Variants in IFT140 observed in about 807,000 individuals in gnomAD.
The protein encoded by IFT140 is intraflagellar transport 140, also known as intraflagellar transport protein 140 homolog.
Under a neutral mutation model 164.6 loss-of-function variants are expected in IFT140, and 133 were observed. The ratio of observed to expected loss-of-function variants is 0.81; its 90% CI spans 0.70 to 0.93. IFT140 has a LOEUF of 0.93. Among genes scored for constraint, IFT140 ranks in the 40% least tolerant of loss-of-function variants. The pLI is 0.00. For synonymous variants in IFT140, 860 were observed against 817.3 expected, an observed-to-expected ratio of 1.05 and a Z score of -0.89; for missense variants, 2,045 against 1,972.3, an observed-to-expected ratio of 1.04 and a Z score of -0.70.
rs1456598855 is a variant in IFT140, at chr16:1,571,514, G to A, written c.1545C>T (p.Leu515=). ...GATTCCCCTCAGTCTCCGAGAAAAG[G>A]AGGAGTTGTTTGACAGTCCCCTGAG... The part of the protein sequence containing the change: ...RTWQGTVKQL[L]LFSETEGNPC... Residue 515 remains leucine, a synonymous_variant, in exon 14 of 31, where the codon CTC becomes CTT. Coordinates refer to ENST00000426508, the MANE Select transcript of IFT140 (RefSeq NM_014714.4). The A allele has an allele frequency of 6.2e-7, 1 of 1,612,816 alleles. No individual in the cohort carries two copies. The highest frequency in any genetic ancestry group is 1.7e-5 in the Admixed American group (1 of 59,704).
intron 6 of IFT140, among the ~76,000 whole-genome samples, chr16:1,590,750 G>A (rs1356540297): frequency 2.0e-5 from 3 of 152,140 alleles, no homozygotes; most frequent in Non-Finnish European, 4.4e-5. Flanking sequence ...GATGGATAAT[G>A]AGTTCTTATT....
intron 6 of IFT140, among the ~76,000 whole-genome samples, chr16:1,590,200 CA>C (rs559750583): frequency 0.037 from 2,877 of 78,252 alleles, 83 homozygotes; most frequent in African/African-American, 0.11. Context: ...GACTCTGTCT[CA>C]AAAAAAAAAA....
At chr16:1,535,335 A>G (rs2030956279) in intron 19 of IFT140, among the ~76,000 whole-genome samples, 1 of 152,156 alleles carries the variant, frequency 6.6e-6, no homozygotes, top group Non-Finnish European at 1.5e-5. Flanking sequence ...GAGGCTGCAT[A>G]AATAGGAAGG....
chr16:1,603,044 G>A (rs993486656), intron 3 of IFT140, among the ~76,000 whole-genome samples: 1 of 152,186 alleles, frequency 6.6e-6, no homozygotes, highest in Non-Finnish European at 1.5e-5. Flanking sequence ...GTTCTCAGTA[G>A]ACTCTTTAAT....
intron 3 of IFT140, among the ~76,000 whole-genome samples, chr16:1,604,261 C>T (rs938231119): frequency 1.6e-4 from 17 of 106,362 alleles, no homozygotes; most frequent in Admixed American, 8.2e-4. Flanking sequence ...AGCGCTGCAT[C>T]GCGCTGCAAG....
In IFT140 at chr16:1,526,038, C is replaced by T. The variant is rs560840162; in HGVS notation, c.2617G>A (p.Asp873Asn). 2.0e-5 allele frequency: 32 copies of T among 1,600,386 alleles called. No individual in the cohort carries two copies. Among genetic ancestry groups the T allele is most frequent in the Non-Finnish European group, 2.6e-5 (31 of 1,173,980 alleles). ...GCCTGGTAGAACTTGTTCAGGAGGT[C>T]GTGGCGCTTGCACTTCCTGTACAGC... ...EQLYRKCKRH[D>N]LLNKFYQAAG... is the part of the protein sequence containing the mutation. Residue 873 changes from aspartate (D) to asparagine (N), a missense_variant, in exon 21 of 31, where the codon GAC (aspartate) becomes AAC (asparagine). Transcript: ENST00000426508.
At chr16:1,534,537 T>C (rs1455262219) in intron 19 of IFT140, 2 of 1,604,230 alleles carry the variant, frequency 1.2e-6, no homozygotes, top group African/African-American at 1.3e-5. Context: ...CTTCCAGGAG[T>C]CCCGAGGCAC....
chr16:1,598,158 G>C (rs777976194), intron 4 of IFT140, among the ~76,000 whole-genome samples: 33 of 152,102 alleles, frequency 2.2e-4, no homozygotes, highest in Non-Finnish European at 4.1e-4. Flanking sequence ...CGAATAATAT[G>C]ATTAGAAATA....
rs146277966 is a variant in IFT140, at chr16:1,524,846, C to T, written c.2935G>A (p.Glu979Lys). The change falls in exon 23 of 31, where the codon GAG becomes AAG. Residue 979 changes from glutamate to lysine, a missense_variant. Glu to Lys is a moderately conservative substitution (Grantham distance 56). Transcript: ENST00000426508. ...GEMDAALHYY[E>K]LARDHFSLVR... ...AGGGAGAAGTGGTCCCGGGCCAGCTCGTAGTAGTGCAGCGCGGCGTCCATC... is the reference window on the plus strand; with the variant it reads ...AGGGAGAAGTGGTCCCGGGCCAGCTTGTAGTAGTGCAGCGCGGCGTCCATC... 254 of 1,613,140 alleles carry T rather than the reference C, an allele frequency of 1.6e-4. 1 individual carries two copies. Among genetic ancestry groups the T allele is most frequent in the Admixed American group, 4.3e-4 (26 of 60,018 alleles).
intron 19 of IFT140, among the ~76,000 whole-genome samples, chr16:1,544,392 C>A (rs532737164): frequency 3.9e-4 from 59 of 151,792 alleles, no homozygotes; most frequent in East Asian, 9.8e-4. Flanking sequence ...TCACTATGTT[C>A]GCCAGGATGG....
chr16:1,548,616 G>T (rs556222801), intron 19 of IFT140, among the ~76,000 whole-genome samples: 6 of 152,328 alleles, frequency 3.9e-5, no homozygotes, highest in African/African-American at 1.4e-4. Flanking sequence ...ACAGGACAAT[G>T]AGGAGAGAGG....
At chr16:1,521,557 T>C (rs2040527667) in intron 26 of IFT140, among the ~76,000 whole-genome samples, 1 of 151,460 alleles carries the variant, frequency 6.6e-6, no homozygotes. Flanking sequence ...CCCGGCTAAT[T>C]TTGTAATTTT....
chr16:1,557,875 G>T, intron 19 of IFT140, 60 bp downstream of exon 19: 1 of 1,526,118 alleles, frequency 6.6e-7, no homozygotes. Flanking sequence ...CAAACAGGGA[G>T]AAAGGAAAGA....
At chr16:1,572,699 C>T (rs112351832) in intron 13 of IFT140, among the ~76,000 whole-genome samples, 4 of 152,316 alleles carry the variant, frequency 2.6e-5, no homozygotes, top group East Asian at 1.9e-4. Flanking sequence ...CCCACAGTTG[C>T]GCTGGAGCAG....
intron 5 of IFT140, 58 bp downstream of exon 5, chr16:1,592,409 T>A: frequency 6.2e-7 from 1 of 1,610,930 alleles, no homozygotes; most frequent in African/African-American, 1.3e-5. Flanking sequence ...AGCAGCCCGC[T>A]TCCCACCTCC....
chr16:1,557,822 C>G, intron 19 of IFT140, 113 bp downstream of exon 19: 1 of 996,296 alleles, frequency 1.0e-6, no homozygotes, highest in Non-Finnish European at 1.5e-6. Context: ...CACCATGACG[C>G]AGTCATGAGG....
intron 19 of IFT140, chr16:1,534,440 C>G: frequency 6.2e-7 from 1 of 1,611,690 alleles, no homozygotes; most frequent in South Asian, 1.1e-5. Flanking sequence ...TGGACAGGAC[C>G]CGGGGAGGGC....
rs902516625 is a variant in IFT140, at chr16:1,531,010, C to T, written c.2400-4214G>A. 1 of 152,324 alleles carries T rather than the reference C, an allele frequency of 6.6e-6. No individual in the cohort carries two copies. Among genetic ancestry groups the T allele is most frequent in the African/African-American group, 2.4e-5 (1 of 41,472 alleles). The allele number at this position is 152,324 out of a possible 1,614,324, so 9.4% of individuals were successfully genotyped here. A position where few individuals can be genotyped will look rare whatever the true frequency, so the allele number is the denominator to read the frequency against. On this transcript the variant is annotated intron_variant, in intron 19 of 30. Transcript: ENST00000426508. This position sits in a 1 kb window ranked among gnomAD's most constrained non-coding sequence, Gnocchi z 4.7. ...CAGACCCGCCAGAAGCGTCCAGACC[C>T]AGGCGCTCTCTGCAAGCTCCTTCCA...
In IFT140 at chr16:1,526,634, C is replaced by T. The variant is rs750695023; in HGVS notation, c.2562G>A (p.Thr854=). 3.5e-5 allele frequency: 54 copies of T among 1,533,526 alleles called. No individual in the cohort carries two copies. Among genetic ancestry groups the T allele is most frequent in the South Asian group, 2.1e-4 (18 of 86,416 alleles). The allele number at this position is 1,533,526 out of a possible 1,614,324, so 95.0% of individuals were successfully genotyped here. The change falls in exon 20 of 31, where the codon ACG becomes ACA. Residue 854 remains threonine, a synonymous_variant. Coordinates refer to ENST00000426508, the MANE Select transcript of IFT140 (RefSeq NM_014714.4). ...CGCCCCTCACCAGCATGCCCAGCTG[C>T]GTGGCCAGCACGGCCACGCGGGCCT... The part of the protein sequence containing the change: ...ELEARVAVLA[T]QLGMLEDAEQ...
Sources: gnomAD v4.1 joint callset for allele counts (sites outside exome capture counted in the v4.1 genomes callset) on GRCh38, gnomAD v4.1.1 for gene constraint, Gnocchi (gnomAD v3.1) non-coding constraint, MANE v1.5 for transcripts, NCBI Gene and HGNC (gene_info 2026-07-23, HGNC 2026-07-21) for gene names.